The following RALGPS1 variants were observed in gnomAD, a reference collection of about 807,000 sequenced individuals.
RALGPS1 encodes ras-specific guanine nucleotide-releasing factor RalGPS1.
RALGPS1 carries 19 observed loss-of-function variants against 78.8 expected under a neutral mutation model. The ratio of observed to expected loss-of-function variants is 0.24; its 90% CI spans 0.17 to 0.35. The LOEUF (loss-of-function observed/expected upper bound fraction) is 0.35. Among genes scored for constraint, RALGPS1 ranks in the 10% least tolerant of loss-of-function variants. RALGPS1 has a pLI of 1.00. For missense variants in RALGPS1, 454 were observed against 688.3 expected (o/e 0.66, Z 3.81); for synonymous variants, 228 against 256.3 (o/e 0.89, Z 1.06).
Position 127,091,936 on chromosome 9 carries a change from C to T in RALGPS1, c.610+22580C>T. Reference sequence around the variant, plus strand: ...GTATTCGCCGTCAATGTTCCCAAACCCTTGCTGGGGAAAACCCAGGAGAGT... The same window carrying T: ...GTATTCGCCGTCAATGTTCCCAAACTCTTGCTGGGGAAAACCCAGGAGAGT... On this transcript the variant is annotated intron_variant, in intron 8 of 18. Coordinates refer to ENST00000259351, the MANE Select transcript of RALGPS1 (RefSeq NM_014636.3). This position sits in a 1 kb window ranked among gnomAD's most constrained non-coding sequence, Gnocchi z 4.3. 1 of 1,613,722 alleles carries T rather than the reference C, an allele frequency of 6.2e-7. No individual in the cohort carries two copies. The highest frequency in any genetic ancestry group is 1.3e-5 in the African/African-American group (1 of 74,978).
chr9:126,958,456 A>T (rs1330462150), intron 1 of RALGPS1, among the ~76,000 whole-genome samples: 1 of 152,096 alleles, frequency 6.6e-6, no homozygotes. Context: ...CCCACCAGTG[A>T]TGTGCACTTT....
intron 8 of RALGPS1, among the ~76,000 whole-genome samples, chr9:127,153,077 G>A (rs1444036709): frequency 6.6e-6 from 1 of 152,204 alleles, no homozygotes; most frequent in Non-Finnish European, 1.5e-5. Context: ...TTCCTCCAGT[G>A]TATGTGTTGA....
intron 11 of RALGPS1, among the ~76,000 whole-genome samples, chr9:127,177,085 C>T (rs2059921856): frequency 6.6e-6 from 1 of 152,184 alleles, no homozygotes; most frequent in African/African-American, 2.4e-5. Flanking sequence ...GGTCACTGGG[C>T]CCGACTCATT....
At chr9:126,982,197 C>CA (rs2132846658) in intron 4 of RALGPS1, among the ~76,000 whole-genome samples, 1 of 152,278 alleles carries the variant, frequency 6.6e-6, no homozygotes, top group South Asian at 2.1e-4. Context: ...CCCTCTTCAC[C>CA]AAGGGGGGCA....
intron 4 of RALGPS1, among the ~76,000 whole-genome samples, chr9:127,033,876 C>A (rs2046635796): frequency 6.6e-6 from 1 of 152,118 alleles, no homozygotes. Context: ...TTAAAGGGGA[C>A]CTTTCCTTCT....
chr9:127,033,595 T>G (rs2046610667), intron 4 of RALGPS1, among the ~76,000 whole-genome samples: 2 of 152,336 alleles, frequency 1.3e-5, no homozygotes, highest in South Asian at 4.1e-4. Flanking sequence ...GTGGAGAATT[T>G]CAGAATTTGC....
chr9:127,026,057 G>T (rs980029121), intron 4 of RALGPS1, among the ~76,000 whole-genome samples: 2 of 151,980 alleles, frequency 1.3e-5, no homozygotes, highest in African/African-American at 4.8e-5. Flanking sequence ...TCTATATATA[G>T]GATATATATA....
At chr9:127,130,803 G>A (rs2138192675) in intron 8 of RALGPS1, among the ~76,000 whole-genome samples, 1 of 152,334 alleles carries the variant, frequency 6.6e-6, no homozygotes, top group Middle Eastern at 3.4e-3. Context: ...CAATGGGCCA[G>A]TGTTGACCTT....
At chr9:127,059,445 C>G (rs560705305) in intron 7 of RALGPS1, among the ~76,000 whole-genome samples, 2 of 152,334 alleles carry the variant, frequency 1.3e-5, no homozygotes, top group Admixed American at 6.5e-5. Flanking sequence ...CCTCATCTTC[C>G]TTGACATTGC....
intron 8 of RALGPS1, among the ~76,000 whole-genome samples, chr9:127,100,858 T>C (rs182888649): frequency 2.0e-4 from 30 of 152,384 alleles, no homozygotes; most frequent in African/African-American, 4.8e-4. Flanking sequence ...TCGGCTTTCA[T>C]TGGTGACCTT....
chr9:127,083,401 G>A (rs1435539041), intron 8 of RALGPS1, among the ~76,000 whole-genome samples: 1 of 152,252 alleles, frequency 6.6e-6, no homozygotes, highest in Admixed American at 6.5e-5. Context: ...CTGGTGCCAT[G>A]TGCCAGGACA....
chr9:127,182,555 G>A (rs140972576), intron 11 of RALGPS1, among the ~76,000 whole-genome samples: 1 of 151,386 alleles, frequency 6.6e-6, no homozygotes, highest in East Asian at 1.9e-4. Context: ...TCAGCCTCCC[G>A]AGTAGCTGGG....
At chr9:126,970,075 A>C (rs2039958146) in intron 3 of RALGPS1, among the ~76,000 whole-genome samples, 1 of 152,128 alleles carries the variant, frequency 6.6e-6, no homozygotes, top group South Asian at 2.1e-4. Flanking sequence ...TATTTGAGTG[A>C]TTCTGGGAAG....
chr9:127,144,438 T>G (rs977719262), intron 8 of RALGPS1, among the ~76,000 whole-genome samples: 1 of 152,192 alleles, frequency 6.6e-6, no homozygotes, highest in Non-Finnish European at 1.5e-5. Context: ...CACATCAAAC[T>G]TACGATTTCA....
intron 11 of RALGPS1, among the ~76,000 whole-genome samples, chr9:127,193,576 G>A (rs1329494095): frequency 6.6e-6 from 1 of 152,162 alleles, no homozygotes; most frequent in Non-Finnish European, 1.5e-5. Context: ...AATGCCAGAT[G>A]GGCCAGCCTT....
intron 8 of RALGPS1, among the ~76,000 whole-genome samples, chr9:127,142,625 C>A (rs923346988): frequency 3.9e-5 from 6 of 152,278 alleles, no homozygotes; most frequent in Admixed American, 3.9e-4. Flanking sequence ...ACCCTGGAAT[C>A]ACAGCAGGAC....
intron 18 of RALGPS1, among the ~76,000 whole-genome samples, chr9:127,216,616 C>T (rs2062594037): frequency 6.6e-6 from 1 of 152,218 alleles, no homozygotes; most frequent in Non-Finnish European, 1.5e-5. Flanking sequence ...AATGGTAATT[C>T]TGTAGCTTCT....
intron 8 of RALGPS1, among the ~76,000 whole-genome samples, chr9:127,136,924 C>T (rs1320655254): frequency 3.3e-5 from 5 of 152,172 alleles, no homozygotes; most frequent in African/African-American, 1.2e-4. Context: ...AGCAGGGACT[C>T]AAGACATGGG....
At chr9:127,114,665 CTG>C (rs1277591688) in intron 8 of RALGPS1, among the ~76,000 whole-genome samples, 2 of 152,224 alleles carry the variant, frequency 1.3e-5, no homozygotes, top group East Asian at 3.8e-4. Context: ...GCCCATTGGT[CTG>C]TGATCACAGA....
Sources: allele counts gnomAD v4.1 joint callset (sites outside exome capture counted in the v4.1 genomes callset), GRCh38; gene constraint gnomAD v4.1.1; non-coding constraint Gnocchi (gnomAD v3.1); transcripts MANE v1.5; gene names NCBI Gene and HGNC (gene_info 2026-07-23, HGNC 2026-07-21).